Variants in USH2A observed in about 807,000 individuals in gnomAD.
USH2A encodes Usher syndrome 2A (autosomal recessive, mild).
In USH2A, 443 loss-of-function variants were observed where a neutral mutation model predicts 538.9. That is an observed-to-expected ratio of 0.82 (90% CI 0.76 to 0.89). The LOEUF is 0.89. USH2A is among the 40% of genes least tolerant of loss of function. The pLI, the probability that USH2A is intolerant of heterozygous loss-of-function variation, is 0.00. For synonymous variants in USH2A, 2,413 were observed against 2,273.5 expected, an observed-to-expected ratio of 1.06 and a Z score of -1.75; for missense variants, 6,633 against 6,324.8, an observed-to-expected ratio of 1.05 and a Z score of -1.65.
intron 21 of USH2A, among the ~76,000 whole-genome samples, chr1:216,152,399 A>C (rs2033855074): frequency 6.6e-6 from 1 of 150,752 alleles, no homozygotes; most frequent in Non-Finnish European, 1.5e-5. Flanking sequence ...TACCTTGTGA[A>C]AGTCCTTTTC....
intron 49 of USH2A, among the ~76,000 whole-genome samples, chr1:215,801,975 G>C (rs1662347494): frequency 6.6e-6 from 1 of 151,306 alleles, no homozygotes; most frequent in Non-Finnish European, 1.5e-5. Flanking sequence ...TGCATATATG[G>C]GCAAATGATT....
intron 21 of USH2A, among the ~76,000 whole-genome samples, chr1:216,104,660 A>T (rs1202013812): frequency 6.6e-6 from 1 of 152,230 alleles, no homozygotes; most frequent in African/African-American, 2.4e-5. Context: ...CACCTTATAC[A>T]AAAATTAATT....
chr1:215,962,017 A>G (rs1037440086), intron 37 of USH2A, among the ~76,000 whole-genome samples: 3 of 152,046 alleles, frequency 2.0e-5, no homozygotes, highest in South Asian at 2.1e-4. Flanking sequence ...ATACAAATGA[A>G]GCATTCACAA....
chr1:216,218,899 TTTA>T (rs1226238110), intron 14 of USH2A, among the ~76,000 whole-genome samples: 1 of 152,122 alleles, frequency 6.6e-6, no homozygotes, highest in Non-Finnish European at 1.5e-5. Context: ...TCTTAATTTC[TTTA>T]TAGGCTATTA....
chr1:215,917,416 A>C (rs1419816246), intron 38 of USH2A, among the ~76,000 whole-genome samples: 2 of 152,026 alleles, frequency 1.3e-5, no homozygotes, highest in Non-Finnish European at 2.9e-5. Flanking sequence ...ATAATTTAAA[A>C]TATATACAAC....
At chr1:215,661,628 A>G (rs1657440283) in intron 64 of USH2A, among the ~76,000 whole-genome samples, 1 of 152,198 alleles carries the variant, frequency 6.6e-6, no homozygotes, top group African/African-American at 2.4e-5. Flanking sequence ...CATGGGTACC[A>G]ATAACAGTAG....
At chr1:215,945,574 G>A (rs1282469322) in intron 37 of USH2A, among the ~76,000 whole-genome samples, 1 of 152,084 alleles carries the variant, frequency 6.6e-6, no homozygotes, top group African/African-American at 2.4e-5. Context: ...GAAAAATATT[G>A]AGAAATTTGA....
At chr1:216,050,774 T>A (rs949529965) in intron 30 of USH2A, among the ~76,000 whole-genome samples, 34 of 150,934 alleles carry the variant, frequency 2.3e-4, no homozygotes, top group African/African-American at 7.8e-4. Context: ...CCGGCTAATT[T>A]TTTTGTATTT....
chr1:215,983,162 G>A (rs186781891), intron 35 of USH2A, among the ~76,000 whole-genome samples: 7 of 152,152 alleles, frequency 4.6e-5, no homozygotes, highest in African/African-American at 7.2e-5. Flanking sequence ...TGTTGGCCAG[G>A]CTGGTCTTGA....
intron 43 of USH2A, among the ~76,000 whole-genome samples, chr1:215,876,852 C>T (rs983188076): frequency 3.3e-5 from 5 of 152,172 alleles, no homozygotes; most frequent in African/African-American, 1.2e-4. Flanking sequence ...GAATGCAATA[C>T]AAATGTGGCT....
chr1:216,014,985 T>C (rs1349823046), intron 32 of USH2A, among the ~76,000 whole-genome samples: 1 of 152,222 alleles, frequency 6.6e-6, no homozygotes, highest in Non-Finnish European at 1.5e-5. Context: ...GAAAATTACA[T>C]AGCACTTTTT....
chr1:216,101,304 A>T (rs1332856343), intron 21 of USH2A, among the ~76,000 whole-genome samples: 1 of 152,240 alleles, frequency 6.6e-6, no homozygotes, highest in Admixed American at 6.5e-5. Flanking sequence ...ATTTTAAAGA[A>T]AACATTACTG....
At chr1:216,291,638 G>A (rs1341038153) in intron 10 of USH2A, among the ~76,000 whole-genome samples, 2 of 152,134 alleles carry the variant, frequency 1.3e-5, no homozygotes, top group African/African-American at 4.8e-5. Context: ...TTCAAAATAA[G>A]GATGGTATTT....
intron 3 of USH2A, among the ~76,000 whole-genome samples, chr1:216,408,516 T>C (rs906994693): frequency 6.6e-6 from 1 of 152,180 alleles, no homozygotes; most frequent in African/African-American, 2.4e-5. Flanking sequence ...AGATTAACAA[T>C]AACTATCAAA....
intron 5 of USH2A, 88 bp downstream of exon 5, chr1:216,327,503 A>G: frequency 6.8e-7 from 1 of 1,467,990 alleles, no homozygotes; most frequent in Non-Finnish European, 9.5e-7. Context: ...AAGATAAAAA[A>G]TGGTATAATC....
chr1:216,283,230 G>T lies in USH2A; in HGVS notation c.1971+6050C>A, dbSNP rs982422294. 4.6e-5 allele frequency among the ~76,000 whole-genome samples: 7 copies of T among 152,104 alleles called. No individual in the cohort carries two copies. The South Asian group carries it at 1.2e-3, about 27-fold the overall frequency. On this transcript the variant is annotated intron_variant, in intron 11 of 71. Transcript: ENST00000307340. ...GCCTCCCCAGTAGCTGGGACTACAG[G>T]CACCCACCACCATGCCCAGCTAATT...
At chr1:215,644,147 G>A (rs1656775597) in intron 67 of USH2A, among the ~76,000 whole-genome samples, 1 of 152,206 alleles carries the variant, frequency 6.6e-6, no homozygotes, top group Non-Finnish European at 1.5e-5. Context: ...AGTGTTAGGT[G>A]CACTCGCTTA....
At chr1:215,883,507 CT>C (rs1191481426) in intron 41 of USH2A, among the ~76,000 whole-genome samples, 3 of 151,380 alleles carry the variant, frequency 2.0e-5, no homozygotes, top group South Asian at 2.1e-4. Context: ...TGAAATTCTC[CT>C]TTTTTTCTAA....
chr1:216,190,185 A>G, intron 20 of USH2A, 38 bp downstream of exon 20: 1 of 1,610,952 alleles, frequency 6.2e-7, no homozygotes, highest in Non-Finnish European at 8.5e-7. Flanking sequence ...TTTTCTTGAT[A>G]GGCAACAGAT....
Sources: allele counts gnomAD v4.1 joint callset (sites outside exome capture counted in the v4.1 genomes callset), GRCh38; gene constraint gnomAD v4.1.1; transcripts MANE v1.5; gene names NCBI Gene and HGNC (gene_info 2026-07-23, HGNC 2026-07-21).